The following MYCBP2 variants were observed in gnomAD, a reference collection of about 807,000 sequenced individuals.
MYCBP2 encodes E3 ubiquitin-protein ligase MYCBP2.
A neutral mutation model predicts 525.3 loss-of-function variants in MYCBP2; 120 were observed. The observed-to-expected ratio is 0.23, with a 90% CI of 0.20 to 0.27. The LOEUF is 0.27. MYCBP2 is among the 10% of genes least tolerant of loss of function. The pLI is 1.00. For missense variants in MYCBP2, 4,149 were observed against 5,657.1 expected (o/e 0.73, Z 8.55); for synonymous variants, 1,894 against 1,955.8 (o/e 0.97, Z 0.83).
chr13:77,150,680 TTAAA>T (rs777296138), intron 47 of MYCBP2, 50 bp downstream of exon 47: 287 of 1,461,372 alleles, frequency 2.0e-4, no homozygotes, highest in Non-Finnish European at 4.5e-5. Context: ...GAAATGTTGG[TTAAA>T]TAAACAAATG....
At chr13:77,200,698 C>T (rs1465013381) in intron 26 of MYCBP2, among the ~76,000 whole-genome samples, 2 of 152,178 alleles carry the variant, frequency 1.3e-5, no homozygotes, top group African/African-American at 4.8e-5. Context: ...GATCTCTCAG[C>T]AGAAACTCTA....
chr13:77,240,186 T>A (rs977600442), intron 17 of MYCBP2, among the ~76,000 whole-genome samples: 1 of 152,200 alleles, frequency 6.6e-6, no homozygotes, highest in Admixed American at 6.5e-5. Context: ...AAGTGTCATA[T>A]CAGAATAGAT....
chr13:77,206,873 T>A lies in MYCBP2; in HGVS notation c.3417-48A>T, dbSNP rs189603452. On this transcript the variant is annotated intron_variant, in intron 23 of 82. Coordinates refer to ENST00000544440, the MANE Select transcript of MYCBP2 (RefSeq NM_015057.5). ...CAGCACCTCAATGTGGTTTTGTTTT[T>A]AAAAAAAATTCCTAAAACATAACTG... is the stretch of plus-strand genomic sequence containing the variant. The A allele has an allele frequency of 1.7e-4, 250 of 1,447,464 alleles. No homozygotes were observed. The African/African-American group carries it at 3.3e-3, about 19-fold the overall frequency. The allele number at this position is 1,447,464 out of a possible 1,614,324, so 89.7% of individuals were successfully genotyped here.
chr13:77,250,776 G>A (rs537946038), intron 15 of MYCBP2, among the ~76,000 whole-genome samples: 2 of 152,108 alleles, frequency 1.3e-5, no homozygotes, highest in East Asian at 1.9e-4. Context: ...TTATGATATC[G>A]ATAATTTTAT....
chr13:77,136,419 A>G (rs1481847232), intron 52 of MYCBP2, among the ~76,000 whole-genome samples: 1 of 152,144 alleles, frequency 6.6e-6, no homozygotes, highest in Non-Finnish European at 1.5e-5. Context: ...AATCCCTTGG[A>G]CCTTCCATTT....
Position 77,088,973 on chromosome 13 carries a change from G to A in MYCBP2, c.10584C>T (p.Ala3528=), listed in dbSNP as rs373144931. Residue 3528 remains alanine (A), a synonymous_variant, in exon 61 of 83, where the codon GCC becomes GCT. Transcript: ENST00000544440. The part of the protein sequence containing the change: ...PSPELSRLIS[A]HSSLSKGERN... ...GTTCTCCTTTAGAAAGAGAGCTGTG[G>A]GCTGAGATTAGCCGAGAAAGCTCAG... The A allele has an allele frequency of 1.2e-6, 2 of 1,613,360 alleles. No homozygotes were observed. Among genetic ancestry groups the A allele is most frequent in the Non-Finnish European group, 8.5e-7 (1 of 1,179,566 alleles).
chr13:77,199,184 G>A (rs1019363701), intron 26 of MYCBP2, among the ~76,000 whole-genome samples: 2 of 152,228 alleles, frequency 1.3e-5, no homozygotes, highest in East Asian at 1.9e-4. Context: ...GTGGGTGTGC[G>A]CACCATGCGC....
intron 1 of MYCBP2, among the ~76,000 whole-genome samples, chr13:77,298,007 C>A (rs1257634319): frequency 1.3e-5 from 2 of 152,126 alleles, no homozygotes; most frequent in African/African-American, 4.8e-5. Context: ...GTGGATAATT[C>A]CCCAGCTTAA....
intron 82 of MYCBP2, among the ~76,000 whole-genome samples, chr13:77,047,817 G>A (rs1457629395): frequency 6.6e-6 from 1 of 152,118 alleles, no homozygotes; most frequent in African/African-American, 2.4e-5. Context: ...AGGGTCCCGG[G>A]CCAAGCTGAG....
At chr13:77,196,401 G>A (rs1189500992) in intron 26 of MYCBP2, among the ~76,000 whole-genome samples, 1 of 152,064 alleles carries the variant, frequency 6.6e-6, no homozygotes, top group Non-Finnish European at 1.5e-5. Flanking sequence ...CATTTTAAGA[G>A]AATCACTGCC....
At chr13:77,116,394 C>T (rs1211675883) in intron 55 of MYCBP2, among the ~76,000 whole-genome samples, 2 of 151,888 alleles carry the variant, frequency 1.3e-5, no homozygotes, top group Admixed American at 6.6e-5. Context: ...CTTGGGGAGT[C>T]TTAAATGTTG....
At chr13:77,054,994 C>T (rs960670984) in intron 80 of MYCBP2, among the ~76,000 whole-genome samples, 6 of 151,932 alleles carry the variant, frequency 3.9e-5, no homozygotes, top group African/African-American at 1.5e-4. Flanking sequence ...GTAACTAAAT[C>T]TCAAAAATTT....
intron 3 of MYCBP2, among the ~76,000 whole-genome samples, chr13:77,286,397 A>G (rs1046921418): frequency 2.0e-5 from 3 of 152,114 alleles, no homozygotes; most frequent in African/African-American, 7.2e-5. Flanking sequence ...ACCATTTAAA[A>G]ATGTCTATAT....
intron 44 of MYCBP2, among the ~76,000 whole-genome samples, chr13:77,160,681 C>T (rs531835088): frequency 5.9e-5 from 9 of 152,234 alleles, no homozygotes; most frequent in Non-Finnish European, 1.2e-4. Context: ...CTATGAAGTG[C>T]TCTACAGATA....
intron 34 of MYCBP2, among the ~76,000 whole-genome samples, chr13:77,179,883 G>A (rs2060054273): frequency 6.6e-6 from 1 of 152,120 alleles, no homozygotes; most frequent in Non-Finnish European, 1.5e-5. Flanking sequence ...GGCAGATGAC[G>A]ACCTGCTCTA....
chr13:77,239,377 A>G (rs895101747), intron 17 of MYCBP2, among the ~76,000 whole-genome samples: 1 of 152,186 alleles, frequency 6.6e-6, no homozygotes, highest in Admixed American at 6.5e-5. Flanking sequence ...GAACACTAAC[A>G]TTTTATTTGA....
intron 41 of MYCBP2, 148 bp from the exon 42 acceptor site, chr13:77,165,539 G>T: frequency 1.7e-6 from 1 of 590,072 alleles, no homozygotes. Context: ...TTGCGGCGGG[G>T]AGCGTTCCTA....
At chr13:77,321,927 G>A (rs1430559188) in intron 1 of MYCBP2, among the ~76,000 whole-genome samples, 2 of 152,182 alleles carry the variant, frequency 1.3e-5, no homozygotes, top group African/African-American at 2.4e-5. Context: ...TTGGGAGGTG[G>A]AGGTGGGAGG....
At chr13:77,191,537 C>T in intron 28 of MYCBP2, 142 bp downstream of exon 28, 1 of 970,944 alleles carries the variant, frequency 1.0e-6, no homozygotes, top group Middle Eastern at 3.4e-4. Flanking sequence ...CATGAGGTTA[C>T]ATGAATTTAA....
Sources: allele counts gnomAD v4.1 joint callset (sites outside exome capture counted in the v4.1 genomes callset), GRCh38; gene constraint gnomAD v4.1.1; transcripts MANE v1.5; gene names NCBI Gene and HGNC (gene_info 2026-07-23, HGNC 2026-07-21).